TMEM178B: variants seen among roughly 807,000 people sequenced by gnomAD.
TMEM178B encodes the protein transmembrane protein 178B.
A neutral mutation model predicts 31.0 loss-of-function variants in TMEM178B; 5 were observed. The ratio of observed to expected loss-of-function variants is 0.16; its 90% CI spans 0.08 to 0.34. TMEM178B has a LOEUF of 0.34. Ranked by LOEUF, TMEM178B falls within the 10% of genes least tolerant of loss-of-function variation. The pLI, the probability that TMEM178B is intolerant of heterozygous loss-of-function variation, is 1.00. For synonymous variants in TMEM178B, 164 were observed against 164.0 expected, an observed-to-expected ratio of 1.00 and a Z score of 0.00; for missense variants, 275 against 400.3, an observed-to-expected ratio of 0.69 and a Z score of 2.67.
At chr7:141,506,044 T>C in the TMEM178B span, among the ~76,000 whole-genome samples, 3 of 152,260 alleles carry the variant, frequency 2.0e-5, no homozygotes, top group African/African-American at 7.2e-5. Flanking sequence ...GTCATCTCCA[T>C]CCAGCATATC....
intron 2 of TMEM178B, among the ~76,000 whole-genome samples, chr7:141,231,856 T>C (rs1797453020): frequency 6.6e-6 from 1 of 152,222 alleles, no homozygotes; most frequent in Admixed American, 6.5e-5. Flanking sequence ...GTTTGTTACA[T>C]AGGTAAACAT....
At chr7:141,316,552 CTG>C (rs74917510) in intron 2 of TMEM178B, among the ~76,000 whole-genome samples, 9 of 150,458 alleles carry the variant, frequency 6.0e-5, no homozygotes, top group Admixed American at 6.6e-5. Flanking sequence ...CTCTGGACTG[CTG>C]TGTGTGTGTG....
At chr7:141,215,142 A>G (rs1366840325) in intron 2 of TMEM178B, among the ~76,000 whole-genome samples, 1 of 152,130 alleles carries the variant, frequency 6.6e-6, no homozygotes, top group East Asian at 1.9e-4. Context: ...TTAGGTGGGA[A>G]GTAGGCACAT....
In TMEM178B at chr7:141,476,815, G is replaced by A. The variant is rs1380557327; in HGVS notation, c.*6029G>A. ...GGGTGAGACTTCCTTCAAGGGAAGGGAAGCCATTGCTCTCTCTGTAGATAG... is the reference window on the plus strand; with the variant it reads ...GGGTGAGACTTCCTTCAAGGGAAGGAAAGCCATTGCTCTCTCTGTAGATAG... On this transcript the variant is annotated 3_prime_UTR_variant, in exon 4 of 4. Coordinates refer to ENST00000565468, the MANE Select transcript of TMEM178B (RefSeq NM_001195278.2). The A allele has an allele frequency of 6.5e-6, 1 of 154,656 alleles. No homozygotes were observed. The highest frequency in any genetic ancestry group is 1.9e-4 in the East Asian group (1 of 5,198). The allele number at this position is 154,656 out of a possible 1,614,324, so 9.6% of individuals were successfully genotyped here. A position where few individuals can be genotyped will look rare whatever the true frequency, so the allele number is the denominator to read the frequency against.
intron 2 of TMEM178B, among the ~76,000 whole-genome samples, chr7:141,303,070 G>T (rs1798754825): frequency 6.6e-6 from 1 of 152,124 alleles, no homozygotes; most frequent in Non-Finnish European, 1.5e-5. Flanking sequence ...CATTTAAATG[G>T]CTAACCAATT....
chr7:141,260,958 A>T (rs564175921), intron 2 of TMEM178B, among the ~76,000 whole-genome samples: 8 of 152,328 alleles, frequency 5.3e-5, no homozygotes, highest in African/African-American at 1.9e-4. Context: ...AAAAGATAAT[A>T]TAGGCTTTAT....
chr7:141,163,475 C>T (rs1335158003), intron 1 of TMEM178B, among the ~76,000 whole-genome samples: 3 of 151,648 alleles, frequency 2.0e-5, no homozygotes, highest in Non-Finnish European at 4.4e-5. Context: ...TTAATGCAGT[C>T]TACCACAGAT....
At chr7:141,339,139 C>T (rs1799473828) in intron 2 of TMEM178B, among the ~76,000 whole-genome samples, 2 of 152,226 alleles carry the variant, frequency 1.3e-5, no homozygotes, top group African/African-American at 4.8e-5. Flanking sequence ...TACCAGGTTG[C>T]GATGGCTATA....
At chr7:141,363,839 G>A (rs922145594) in intron 2 of TMEM178B, among the ~76,000 whole-genome samples, 9 of 152,020 alleles carry the variant, frequency 5.9e-5, no homozygotes, top group African/African-American at 2.2e-4. Context: ...GTAGTGAGCC[G>A]TGATTGCGCC....
At chr7:141,458,619 C>CT (rs1802007970) in intron 3 of TMEM178B, among the ~76,000 whole-genome samples, 3 of 151,968 alleles carry the variant, frequency 2.0e-5, no homozygotes, top group Non-Finnish European at 4.4e-5. Context: ...AAACAGGAAA[C>CT]ATTTTTTTTT....
At chr7:141,200,284 G>T (rs191569271) in intron 1 of TMEM178B, among the ~76,000 whole-genome samples, 1 of 152,018 alleles carries the variant, frequency 6.6e-6, no homozygotes, top group Non-Finnish European at 1.5e-5. Context: ...GAGACAGGAT[G>T]GCTTAAGGGA....
At chr7:141,384,508 C>T (rs1800393736) in intron 2 of TMEM178B, among the ~76,000 whole-genome samples, 1 of 152,120 alleles carries the variant, frequency 6.6e-6, no homozygotes, top group African/African-American at 2.4e-5. Flanking sequence ...TCAGGTTTGT[C>T]AAAGATCAGA....
intron 3 of TMEM178B, among the ~76,000 whole-genome samples, chr7:141,469,686 T>G (rs1317869156): frequency 2.0e-5 from 3 of 152,222 alleles, no homozygotes; most frequent in Non-Finnish European, 4.4e-5. Flanking sequence ...TGAATTCATT[T>G]TAGGCACACC....
chr7:141,187,403 C>T lies in TMEM178B; in HGVS notation c.383-25188C>T, dbSNP rs956853402. 1.4e-4 allele frequency among the ~76,000 whole-genome samples: 21 copies of T among 152,132 alleles called. 1 individual carries two copies. Among genetic ancestry groups the T allele is most frequent in the African/African-American group, 3.1e-4 (13 of 41,480 alleles). On this transcript the variant is annotated intron_variant, in intron 1 of 3. Coordinates refer to ENST00000565468, the MANE Select transcript of TMEM178B (RefSeq NM_001195278.2). The stretch of plus-strand genomic sequence containing the variant: ...TATGAATAGTGCCGCTATAAACATA[C>T]GTGTGCATGTGTCTTTGTAGCAGCA...
chr7:141,464,960 G>A (rs1426137775), intron 3 of TMEM178B, among the ~76,000 whole-genome samples: 1 of 152,234 alleles, frequency 6.6e-6, no homozygotes, highest in Non-Finnish European at 1.5e-5. Context: ...CACGACTACA[G>A]TTAGTATTGG....
chr7:141,481,255 G>A (rs1333577918), downstream of TMEM178B, among the ~76,000 whole-genome samples: 1 of 152,196 alleles, frequency 6.6e-6, no homozygotes, highest in East Asian at 1.9e-4. Context: ...CATCTAAGGA[G>A]ACTGAGAAAA....
At chr7:141,087,085 T>C (rs1191837083) in intron 1 of TMEM178B, among the ~76,000 whole-genome samples, 1 of 152,152 alleles carries the variant, frequency 6.6e-6, no homozygotes, top group East Asian at 1.9e-4. Context: ...GTTACAATTC[T>C]GATAAAAAAG....
rs1802442445 is a variant in TMEM178B at position 141,479,853 on chromosome 7, T to G, written c.*9067T>G. The G allele has an allele frequency of 6.6e-6, 1 of 152,234 alleles. No individual in the cohort carries two copies. Among genetic ancestry groups the G allele is most frequent in the Non-Finnish European group, 1.5e-5 (1 of 68,042 alleles). 9.4% of individuals were successfully genotyped at this position (152,234 alleles called of 1,614,324 possible). A position where few individuals can be genotyped will look rare whatever the true frequency, so the allele number is the denominator to read the frequency against. ...ACAAGGAGTGGTGTGTACTGCAGGA[T>G]TCTAACAATGCCTCTGCCCTTGGAG... On this transcript the variant is annotated 3_prime_UTR_variant, in exon 4 of 4. Coordinates refer to ENST00000565468, the MANE Select transcript of TMEM178B (RefSeq NM_001195278.2).
chr7:141,418,394 C>T (rs908305648), intron 2 of TMEM178B, among the ~76,000 whole-genome samples: 4 of 151,936 alleles, frequency 2.6e-5, no homozygotes, highest in East Asian at 3.9e-4. Flanking sequence ...GTAGGGGCCA[C>T]GCAGGAAAAA....
Sources: gnomAD v4.1 joint callset for allele counts (sites outside exome capture counted in the v4.1 genomes callset) on GRCh38, gnomAD v4.1.1 for gene constraint, MANE v1.5 for transcripts, NCBI Gene and HGNC (gene_info 2026-07-23, HGNC 2026-07-21) for gene names.